MORC3: variants seen among roughly 807,000 people sequenced by gnomAD.
The protein encoded by MORC3 is MORC family CW-type zinc finger protein 3.
In MORC3, 31 loss-of-function variants were observed where a neutral mutation model predicts 109.1. The observed-to-expected ratio is 0.28, with a 90% confidence interval of 0.21 to 0.38. The LOEUF (loss-of-function observed/expected upper bound fraction) is 0.38, where lower values mean the gene tolerates loss of function less well. Ranked by LOEUF, MORC3 falls within the 10% of genes least tolerant of loss-of-function variation. The pLI, the probability that MORC3 is intolerant of heterozygous loss-of-function variation, is 1.00. For synonymous variants in MORC3, 395 were observed against 380.7 expected (o/e 1.04, Z -0.44); for missense variants, 867 against 1,135.8 (o/e 0.76, Z 3.40).
chr21:36,323,665 C>G (rs922194941), intron 1 of MORC3, among the ~76,000 whole-genome samples: 4 of 152,122 alleles, frequency 2.6e-5, no homozygotes, highest in Non-Finnish European at 5.9e-5. Flanking sequence ...GAAATTCTTT[C>G]CGAATTTTAA....
chr21:36,332,104 G>A lies in MORC3; in HGVS notation c.40-1542G>A, dbSNP rs941466361. Reference sequence around the variant, plus strand: ...TGCAGTGAGCTATGATTGCACTACTGCACTGCAGCCTGGGCAGCAGAGAGA... The same window carrying A: ...TGCAGTGAGCTATGATTGCACTACTACACTGCAGCCTGGGCAGCAGAGAGA... On this transcript the variant is annotated intron_variant, in intron 1 of 16. Transcript: ENST00000400485. 3.3e-5 allele frequency among the ~76,000 whole-genome samples: 5 copies of A among 151,926 alleles called. No individual in the cohort carries two copies. The South Asian group carries it at 1.0e-3, about 32-fold the overall frequency.
Position 36,333,851 on chromosome 21 carries a change from C to A in MORC3, c.112+133C>A, listed in dbSNP as rs1033931770. 4 of 687,492 alleles carry A rather than the reference C, an allele frequency of 5.8e-6. No individual in the cohort carries two copies. The African/African-American group carries it at 7.4e-5, about 13-fold the overall frequency. 42.6% of individuals were successfully genotyped at this position (687,492 alleles called of 1,614,324 possible). On this transcript the variant is annotated intron_variant, in intron 2 of 16. Transcript: ENST00000400485. ...AGGCTGGAGTGCAGTGGCGCAGTCT[C>A]GGCTCACTGCAAGCTCTGCCTCCTG...
chr21:36,350,299 C>T (rs1207859830), intron 9 of MORC3, among the ~76,000 whole-genome samples: 2 of 151,816 alleles, frequency 1.3e-5, no homozygotes, highest in Non-Finnish European at 2.9e-5. Context: ...AGAGTGAGAT[C>T]CCGTCTCAGG....
intron 1 of MORC3, among the ~76,000 whole-genome samples, chr21:36,332,621 G>A (rs2085328965): frequency 6.6e-6 from 1 of 152,164 alleles, no homozygotes; most frequent in Admixed American, 6.6e-5. Context: ...ATGGGATTCT[G>A]TAGTTGACTG....
chr21:36,320,998 G>C (rs1354745584), intron 1 of MORC3, among the ~76,000 whole-genome samples: 1 of 152,184 alleles, frequency 6.6e-6, no homozygotes, highest in African/African-American at 2.4e-5. Flanking sequence ...AAATGTGGGC[G>C]TGGCTTCCCC....
At chr21:36,327,167 T>C (rs942770709) in intron 1 of MORC3, among the ~76,000 whole-genome samples, 23 of 138,996 alleles carry the variant, frequency 1.7e-4, no homozygotes, top group African/African-American at 5.5e-4. Context: ...TTTTTTTTTT[T>C]TTTTTTTTTT....
intron 15 of MORC3, among the ~76,000 whole-genome samples, chr21:36,370,669 T>TCTTTTC (rs1569110916): frequency 1.2e-5 from 1 of 82,514 alleles, no homozygotes; most frequent in African/African-American, 7.3e-5. Context: ...TTTTTTTTTT[T>TCTTTTC]TTCTTCTTCT....
At chr21:36,372,654 T>C in intron 16 of MORC3, 123 bp downstream of exon 16, 1 of 983,396 alleles carries the variant, frequency 1.0e-6, no homozygotes. Flanking sequence ...TGGTCTGCTG[T>C]GACCCTGGTG....
intron 1 of MORC3, 43 bp from the exon 2 acceptor site, chr21:36,333,603 G>A (rs763766328): frequency 5.3e-6 from 8 of 1,504,166 alleles, no homozygotes; most frequent in Non-Finnish European, 7.4e-6. Context: ...ATTTTCAAAA[G>A]TAAGACCTGA....
At chr21:36,374,280 G>A (rs1001194117) in intron 16 of MORC3, among the ~76,000 whole-genome samples, 1 of 151,964 alleles carries the variant, frequency 6.6e-6, no homozygotes, top group African/African-American at 2.4e-5. Flanking sequence ...AGGGAGAGAC[G>A]GGGTTTCACC....
rs1199049198 is a variant in MORC3, at chr21:36,344,919, CAGTG to C, written c.896_899del (p.Val299GlufsTer16). ...TTACCTTAATATTTTAAGTCTAAAACAGTGAGAATTACCTTTGGATTCAACTGCA... is the reference window on the plus strand; with the variant it reads ...TTACCTTAATATTTTAAGTCTAAAACAGAATTACCTTTGGATTCAACTGCA... On this transcript the variant is annotated frameshift_variant, in exon 8 of 17. Transcript: ENST00000400485. LOFTEE classifies it high-confidence loss of function. The C allele has an allele frequency of 5.0e-6, 8 of 1,611,278 alleles. No homozygotes were observed. The highest frequency in any genetic ancestry group is 2.7e-5 in the African/African-American group (2 of 74,776).
At chr21:36,360,442 T>A (rs1342474556) in intron 12 of MORC3, among the ~76,000 whole-genome samples, 184 bp downstream of exon 12, 1 of 152,242 alleles carries the variant, frequency 6.6e-6, no homozygotes, top group Non-Finnish European at 1.5e-5. Flanking sequence ...TGCTGTTTAT[T>A]TCATGCTTAT....
In MORC3 at chr21:36,369,392, A is replaced by C; in HGVS notation, c.2024A>C (p.Glu675Ala). Reference protein sequence around the residue: ...AVILPSCVEAEAKIHETQETT... With the variant: ...AVILPSCVEAAAKIHETQETT... ...ATTCTGCCCTCCTGTGTAGAAGCTG[A>C]AGCAAAGATACATGAAACCCAGGAA... Residue 675 changes from glutamate to alanine, a missense_variant, in exon 15 of 17, where the codon GAA becomes GCA. Physicochemically the swap from Glu to Ala is moderately radical, Grantham distance 107. Around this residue, in one of 7 missense-constraint regions of MORC3, gnomAD observed 486 missense variants for 502.1 expected, o/e 0.97. Transcript: ENST00000400485. 1 of 1,614,180 alleles carries C rather than the reference A, an allele frequency of 6.2e-7. No individual in the cohort carries two copies. The highest frequency in any genetic ancestry group is 8.5e-7 in the Non-Finnish European group (1 of 1,180,032).
intron 8 of MORC3, among the ~76,000 whole-genome samples, 185 bp from the exon 9 acceptor site, chr21:36,349,126 C>G (rs1178942715): frequency 6.6e-6 from 1 of 151,894 alleles, no homozygotes; most frequent in Non-Finnish European, 1.5e-5. Flanking sequence ...CCACTGCACT[C>G]CAGCCTGGGT....
chr21:36,325,730 A>C (rs1201327898), intron 1 of MORC3, among the ~76,000 whole-genome samples: 1 of 152,192 alleles, frequency 6.6e-6, no homozygotes, highest in African/African-American at 2.4e-5. Context: ...ATGGTCTGAA[A>C]GTATTAAATG....
At chr21:36,326,485 C>T (rs556332900) in intron 1 of MORC3, among the ~76,000 whole-genome samples, 3 of 152,244 alleles carry the variant, frequency 2.0e-5, no homozygotes, top group African/African-American at 4.8e-5. Flanking sequence ...CACCACCGCA[C>T]TCCAGCCTGG....
intron 12 of MORC3, chr21:36,360,625 T>G: frequency 3.8e-6 from 1 of 265,592 alleles, no homozygotes; most frequent in South Asian, 4.6e-5. Context: ...GAAGCTCTGG[T>G]CCAGTGCTGT....
rs372866456 is a variant in MORC3 at position 36,338,408 on chromosome 21, C to A, written c.461-366C>A. Among the ~76,000 whole-genome samples, 6 of 152,092 alleles carry A rather than the reference C, an allele frequency of 3.9e-5. No individual in the cohort carries two copies. The East Asian group carries it at 1.2e-3, about 29-fold the overall frequency. On this transcript the variant is annotated intron_variant, in intron 4 of 16. Coordinates refer to ENST00000400485, the MANE Select transcript of MORC3 (RefSeq NM_015358.3). ...GCCATGTTAAAACTTAGAAAATAGG[C>A]TGAGCTCGGTGGCTGATCCCTGAAA... is the stretch of plus-strand genomic sequence containing the variant.
chr21:36,357,866 G>A (rs1319344698), intron 10 of MORC3, among the ~76,000 whole-genome samples: 4 of 150,644 alleles, frequency 2.7e-5, no homozygotes, highest in African/African-American at 4.9e-5. Context: ...TCAGCCTTCC[G>A]AGGAGCTGGG....
Sources: gnomAD v4.1 joint callset for allele counts (sites outside exome capture counted in the v4.1 genomes callset) on GRCh38, gnomAD v4.1.1 for gene constraint, gnomAD v4.1.1 regional missense constraint, MANE v1.5 for transcripts, NCBI Gene and HGNC (gene_info 2026-07-23, HGNC 2026-07-21) for gene names.